Variants in THSD7A observed in about 807,000 individuals in gnomAD.
The protein encoded by THSD7A is thrombospondin type 1 domain containing 7A, also known as thrombospondin type-1 domain-containing protein 7A.
In THSD7A, 96 loss-of-function variants were observed where a neutral mutation model predicts 231.3. That is an observed-to-expected ratio of 0.41 (90% CI 0.35 to 0.49). The LOEUF (loss-of-function observed/expected upper bound fraction) is 0.49. Ranked by LOEUF, THSD7A falls within the 20% of genes least tolerant of loss-of-function variation. The probability of loss-of-function intolerance (pLI) is 0.05; values close to 1 mark genes in which losing one functional copy is unlikely to be tolerated. For synonymous variants in THSD7A, 940 were observed against 743.3 expected (o/e 1.26, Z -4.30); for missense variants, 2,290 against 2,070.2 (o/e 1.11, Z -2.06).
intron 24 of THSD7A, among the ~76,000 whole-genome samples, chr7:11,380,811 C>A (rs1025287292): frequency 6.6e-5 from 10 of 152,144 alleles, no homozygotes; most frequent in South Asian, 4.1e-4. Context: ...ATCATTTACA[C>A]ATTGGCCTTT....
intron 1 of THSD7A, among the ~76,000 whole-genome samples, chr7:11,686,938 C>T (rs1780075648): frequency 1.3e-5 from 2 of 151,808 alleles, no homozygotes; most frequent in Admixed American, 1.3e-4. Context: ...ATCCAGGTAA[C>T]AAACCTGCAC....
intron 9 of THSD7A, among the ~76,000 whole-genome samples, chr7:11,465,949 A>T (rs1785688818): frequency 6.6e-6 from 1 of 152,128 alleles, no homozygotes; most frequent in East Asian, 1.9e-4. Context: ...TAGCAAGTGC[A>T]CTGGTCTCAG....
chr7:11,531,137 C>CTTGAAT (rs1788691949), intron 6 of THSD7A, among the ~76,000 whole-genome samples: 1 of 152,100 alleles, frequency 6.6e-6, no homozygotes, highest in Admixed American at 6.6e-5. Context: ...TTCAAGGATT[C>CTTGAAT]CAACATCTCC....
intron 1 of THSD7A, among the ~76,000 whole-genome samples, chr7:11,681,349 C>T (rs979800199): frequency 6.6e-6 from 1 of 151,982 alleles, no homozygotes; most frequent in Non-Finnish European, 1.5e-5. Context: ...AACAAACCTG[C>T]ACATTCTGCA....
chr7:11,757,079 G>A (rs530714208), intron 1 of THSD7A, among the ~76,000 whole-genome samples: 1 of 151,832 alleles, frequency 6.6e-6, no homozygotes, highest in South Asian at 2.1e-4. Context: ...CATCTAGTGT[G>A]TGCTTAGTAA....
intron 1 of THSD7A, among the ~76,000 whole-genome samples, chr7:11,766,812 G>T (rs998684142): frequency 2.6e-5 from 4 of 152,058 alleles, no homozygotes; most frequent in African/African-American, 9.7e-5. Flanking sequence ...GCAACGAGTG[G>T]GGTTTGGTTT....
At chr7:11,445,514 G>T (rs1233443963) in intron 13 of THSD7A, among the ~76,000 whole-genome samples, 2 of 120,498 alleles carry the variant, frequency 1.7e-5, no homozygotes, top group African/African-American at 7.4e-5. Flanking sequence ...TTGTTCGTTT[G>T]TTTTATGTGT....
intron 17 of THSD7A, 105 bp downstream of exon 17, chr7:11,417,345 C>T (rs1432436266): frequency 3.5e-6 from 4 of 1,156,334 alleles, no homozygotes; most frequent in Non-Finnish European, 3.6e-6. Flanking sequence ...GGCAAACAAA[C>T]AGATTTTACA....
intron 22 of THSD7A, among the ~76,000 whole-genome samples, chr7:11,402,969 C>T (rs1486200709): frequency 2.0e-5 from 3 of 152,012 alleles, no homozygotes; most frequent in African/African-American, 7.2e-5. Flanking sequence ...GGGTATGTAC[C>T]TAGGAGTGCA....
chr7:11,678,012 A>G (rs1391944754), intron 1 of THSD7A, among the ~76,000 whole-genome samples: 1 of 152,208 alleles, frequency 6.6e-6, no homozygotes, highest in East Asian at 1.9e-4. Context: ...ACCACAGTGC[A>G]ATCAAATTAG....
At position 11,814,344 on chromosome 7, in the gene THSD7A, A is replaced by T. The variant is rs1023293990; in HGVS notation, c.190+17413T>A. ...GGCAATCCCAAGTATTCAGCACGTG[A>T]CAAACAAAGGAGATTCATCTCATTT... On this transcript the variant is annotated intron_variant, in intron 1 of 27. Transcript: ENST00000423059. This position sits in a 1 kb window ranked among gnomAD's most constrained non-coding sequence, Gnocchi z 5.1. Among the ~76,000 whole-genome samples, 38 of 152,340 alleles carry T rather than the reference A, an allele frequency of 2.5e-4. No homozygotes were observed. The highest frequency in any genetic ancestry group is 8.9e-4 in the African/African-American group (37 of 41,578).
intron 1 of THSD7A, among the ~76,000 whole-genome samples, chr7:11,682,110 TA>T (rs1043191299): frequency 1.8e-4 from 27 of 152,060 alleles, no homozygotes; most frequent in South Asian, 8.3e-4. Flanking sequence ...AAGGGAGTTC[TA>T]AACATGGAAA....
In THSD7A at chr7:11,460,758, T is replaced by A; in HGVS notation, c.2509A>T (p.Thr837Ser). 5 of 1,611,374 alleles carry A rather than the reference T, an allele frequency of 3.1e-6. No homozygotes were observed. The highest frequency in any genetic ancestry group is 4.2e-6 in the Non-Finnish European group (5 of 1,178,816). The change falls in exon 11 of 28, where the codon ACT (threonine) becomes TCT (serine). Residue 837 changes from threonine (T) to serine (S), a missense_variant. Thr to Ser is a moderately conservative substitution (Grantham distance 58, BLOSUM62 1). Coordinates refer to ENST00000423059, the MANE Select transcript of THSD7A (RefSeq NM_015204.3). ...AATTGGCATCTGCGCCATTTGTGAGTCTTCCACCTACAAGACAGGAACAGA... is the reference window on the plus strand; with the variant it reads ...AATTGGCATCTGCGCCATTTGTGAGACTTCCACCTACAAGACAGGAACAGA... ...PQACQSYRWKTHKWRRCQLVP... is the reference protein window; with the variant it reads ...PQACQSYRWKSHKWRRCQLVP...
At chr7:11,786,000 C>T (rs185635211) in intron 1 of THSD7A, among the ~76,000 whole-genome samples, 2 of 152,090 alleles carry the variant, frequency 1.3e-5, no homozygotes, top group Admixed American at 6.6e-5. Context: ...CTGGTTTATC[C>T]GTTATGGAAT....
At chr7:11,658,538 G>C (rs4509202) in intron 1 of THSD7A, among the ~76,000 whole-genome samples, 1 of 151,314 alleles carries the variant, frequency 6.6e-6, no homozygotes, top group Non-Finnish European at 1.5e-5. Context: ...ATTTTCATAG[G>C]TTCTATCCTC....
intron 1 of THSD7A, among the ~76,000 whole-genome samples, chr7:11,759,414 A>T (rs567330929): frequency 2.2e-3 from 334 of 152,186 alleles, no homozygotes; most frequent in Non-Finnish European, 3.6e-3. Context: ...AAGTTGAAAG[A>T]TATTAATCTG....
At chr7:11,621,020 A>G (rs1781289494) in intron 2 of THSD7A, among the ~76,000 whole-genome samples, 1 of 152,230 alleles carries the variant, frequency 6.6e-6, no homozygotes, top group Admixed American at 6.5e-5. Context: ...GAAACTTTGC[A>G]TAGATATGTC....
chr7:11,771,213 T>C (rs1243627626), intron 1 of THSD7A, among the ~76,000 whole-genome samples: 2 of 151,224 alleles, frequency 1.3e-5, no homozygotes, highest in African/African-American at 4.8e-5. Flanking sequence ...TTATAAAAAA[T>C]TTACATTGGA....
At chr7:11,794,744 G>A (rs1432976696) in intron 1 of THSD7A, among the ~76,000 whole-genome samples, 2 of 151,898 alleles carry the variant, frequency 1.3e-5, no homozygotes, top group Admixed American at 6.6e-5. Flanking sequence ...GCATTTTTCA[G>A]CAGCCCTCCC....
Sources: gnomAD v4.1 joint callset for allele counts (sites outside exome capture counted in the v4.1 genomes callset) on GRCh38, gnomAD v4.1.1 for gene constraint, Gnocchi (gnomAD v3.1) non-coding constraint, MANE v1.5 for transcripts, NCBI Gene and HGNC (gene_info 2026-07-23, HGNC 2026-07-21) for gene names.